Variants in OTOGL observed in about 807,000 individuals in gnomAD.
OTOGL encodes otogelin-like protein.
A neutral mutation model predicts 318.5 loss-of-function variants in OTOGL; 285 were observed. The observed-to-expected ratio is 0.89, with a 90% CI of 0.81 to 0.99. OTOGL has a LOEUF of 0.99. OTOGL is among the 50% of genes least tolerant of loss of function. The probability of loss-of-function intolerance (pLI) is 0.00; values close to 1 mark genes in which losing one functional copy is unlikely to be tolerated. For synonymous variants in OTOGL, 987 were observed against 936.5 expected, an observed-to-expected ratio of 1.05 and a Z score of -0.99; for missense variants, 2,899 against 2,845.6, an observed-to-expected ratio of 1.02 and a Z score of -0.43.
At chr12:80,202,557 G>A (rs1876534042) in intron 1 of OTOGL, among the ~76,000 whole-genome samples, 1 of 152,196 alleles carries the variant, frequency 6.6e-6, no homozygotes, top group Non-Finnish European at 1.5e-5. Context: ...ACAGGCCTGA[G>A]CCACCGCGCC....
chr12:80,342,038 G>A lies in OTOGL; in HGVS notation c.5141G>A (p.Ser1714Asn), dbSNP rs1242547204. 2 of 1,607,570 alleles carry A rather than the reference G, an allele frequency of 1.2e-6. No individual in the cohort carries two copies. Among genetic ancestry groups the A allele is most frequent in the East Asian group, 4.5e-5 (2 of 44,722 alleles). ...NMEDIGLFIE[S>N]WEIEKSFEVT... ...GAAGACATAGGATTATTTATTGAGA[G>A]CTGGGAAATTGAGAAATCATTTGAA... The change falls in exon 44 of 59, where the codon AGC becomes AAC. Residue 1714 changes from serine (S) to asparagine (N), a missense_variant. Transcript: ENST00000547103.
chr12:80,371,940 G>GTA, intron 56 of OTOGL, 79 bp from the exon 57 acceptor site: 1 of 897,918 alleles, frequency 1.1e-6, no homozygotes, highest in Non-Finnish European at 1.6e-6. Context: ...TTTTAGAAAA[G>GTA]TTAGTTTTCT....
intron 1 of OTOGL, among the ~76,000 whole-genome samples, chr12:80,203,815 A>G (rs969976992): frequency 6.6e-6 from 1 of 152,182 alleles, no homozygotes; most frequent in East Asian, 1.9e-4. Context: ...TCTTTTTATC[A>G]TAATGCAGAT....
intron 37 of OTOGL, among the ~76,000 whole-genome samples, chr12:80,332,484 CCCTTTT>C (rs1888138028): frequency 6.6e-6 from 1 of 152,108 alleles, no homozygotes; most frequent in South Asian, 2.1e-4. Flanking sequence ...AATCACATCT[CCCTTTT>C]CTATGGGTCA....
rs1402100478 is a variant in OTOGL, at chr12:80,266,467, G to A, written c.2241G>A (p.Lys747=). ...TGTCCTTAGCTGTGGTGTGCCAGAA[G>A]GGCATGCTGTACCATCACTGTTCCT... is the stretch of plus-strand genomic sequence containing the variant. ...QISFCAVVCQ[K]GMLYHHCSSF... Residue 747 remains lysine (K), a synonymous_variant, in exon 21 of 59, where the codon AAG becomes AAA. Transcript: ENST00000547103. 2.5e-6 allele frequency: 4 copies of A among 1,613,496 alleles called. No homozygotes were observed. The highest frequency in any genetic ancestry group is 1.3e-5 in the African/African-American group (1 of 74,994).
chr12:80,255,919 T>C (rs1881995605), intron 16 of OTOGL, among the ~76,000 whole-genome samples: 1 of 152,072 alleles, frequency 6.6e-6, no homozygotes, highest in Non-Finnish European at 1.5e-5. Flanking sequence ...TGTGTAGAAG[T>C]CTAATTCTCT....
intron 1 of OTOGL, among the ~76,000 whole-genome samples, chr12:80,187,463 C>T (rs1162253339): frequency 1.3e-5 from 2 of 151,994 alleles, no homozygotes; most frequent in Non-Finnish European, 2.9e-5. Flanking sequence ...TAAGAAAGGA[C>T]GACAGGATGA....
At chr12:80,265,602 A>C (rs574831657) in intron 20 of OTOGL, 108 of 205,494 alleles carry the variant, frequency 5.3e-4, no homozygotes, top group African/African-American at 2.5e-3. Context: ...GGCAATTATT[A>C]TCAAGTTATT....
chr12:80,203,124 A>G (rs370497906), intron 1 of OTOGL, among the ~76,000 whole-genome samples: 80 of 152,316 alleles, frequency 5.3e-4, no homozygotes, highest in Non-Finnish European at 8.8e-4. Context: ...GCTGTAACAA[A>G]TTACCACAAA....
At chr12:80,352,466 A>G in intron 45 of OTOGL, 30 bp downstream of exon 45, 3 of 1,473,306 alleles carry the variant, frequency 2.0e-6, no homozygotes, top group Non-Finnish European at 2.7e-6. Context: ...ATATTTTTCC[A>G]TCATAAATAA....
intron 1 of OTOGL, among the ~76,000 whole-genome samples, chr12:80,151,680 G>T (rs975088353): frequency 1.3e-5 from 2 of 152,114 alleles, no homozygotes; most frequent in African/African-American, 4.8e-5. Context: ...ACACCTTGTG[G>T]CTTGTAAATA....
chr12:80,173,033 G>T (rs1302925928), intron 1 of OTOGL, among the ~76,000 whole-genome samples: 1 of 152,076 alleles, frequency 6.6e-6, no homozygotes, highest in Non-Finnish European at 1.5e-5. Context: ...AACCACCATG[G>T]CACATGTTTA....
intron 48 of OTOGL, 43 bp downstream of exon 48, chr12:80,356,563 C>A: frequency 7.2e-7 from 1 of 1,393,256 alleles, no homozygotes; most frequent in South Asian, 1.3e-5. Context: ...GTTCATTGTT[C>A]ATTCAGAACA....
At chr12:80,119,986 A>G (rs751752824) in intron 1 of OTOGL, among the ~76,000 whole-genome samples, 1 of 152,248 alleles carries the variant, frequency 6.6e-6, no homozygotes, top group East Asian at 1.9e-4. Context: ...TTTTCCTTTT[A>G]AAATAGTTTC....
At chr12:80,214,339 T>G (rs950479634) in intron 4 of OTOGL, among the ~76,000 whole-genome samples, 3 of 152,234 alleles carry the variant, frequency 2.0e-5, no homozygotes, top group Admixed American at 2.0e-4. Context: ...GAGCTCAGTC[T>G]TATTGGAGAC....
intron 52 of OTOGL, 136 bp from the exon 53 acceptor site, chr12:80,366,423 GCTGTGTGATAAGGGA>G (rs1025853129): frequency 4.3e-6 from 2 of 464,116 alleles, no homozygotes; most frequent in Non-Finnish European, 8.4e-6. Flanking sequence ...AAAGTGTCTG[GCTGTGTGATAAGGGA>G]CTTATTAGAT....
chr12:80,117,470 T>C (rs1870237960), intron 1 of OTOGL, among the ~76,000 whole-genome samples: 1 of 152,192 alleles, frequency 6.6e-6, no homozygotes, highest in African/African-American at 2.4e-5. Flanking sequence ...CAATGCCCCT[T>C]GAATCTTCTA....
intron 9 of OTOGL, 59 bp from the exon 10 acceptor site, chr12:80,238,792 G>A: frequency 7.3e-7 from 1 of 1,364,994 alleles, no homozygotes. Context: ...GTCTGTTTGT[G>A]GAAAATGATA....
intron 1 of OTOGL, among the ~76,000 whole-genome samples, chr12:80,176,884 T>C: frequency 6.6e-6 from 1 of 152,164 alleles, no homozygotes; most frequent in Non-Finnish European, 1.5e-5. Context: ...ATTCCTGTTG[T>C]TCTCCATCAT....
Sources: gnomAD v4.1 joint callset for allele counts (sites outside exome capture counted in the v4.1 genomes callset) on GRCh38, gnomAD v4.1.1 for gene constraint, MANE v1.5 for transcripts, NCBI Gene and HGNC (gene_info 2026-07-23, HGNC 2026-07-21) for gene names.